CAMTA1: variants seen among roughly 807,000 people sequenced by gnomAD.
CAMTA1 encodes the protein calmodulin binding transcription activator 1.
Under a neutral mutation model 170.9 loss-of-function variants are expected in CAMTA1, and 27 were observed. The observed-to-expected ratio is 0.16, with a 90% CI of 0.12 to 0.22. The LOEUF (loss-of-function observed/expected upper bound fraction) is 0.22. Among genes scored for constraint, CAMTA1 ranks in the 10% least tolerant of loss-of-function variants. The pLI, the probability that CAMTA1 is intolerant of heterozygous loss-of-function variation, is 1.00. For synonymous variants in CAMTA1, 833 were observed against 891.5 expected, an observed-to-expected ratio of 0.93 and a Z score of 1.17; for missense variants, 1,619 against 2,217.2, an observed-to-expected ratio of 0.73 and a Z score of 5.42.
In CAMTA1 at chr1:6,965,464, G is replaced by A. The variant is rs1233983203; in HGVS notation, c.235-125840G>A. Among the ~76,000 whole-genome samples, 2 of 152,162 alleles carry A rather than the reference G, an allele frequency of 1.3e-5. No homozygotes were observed. The highest frequency in any genetic ancestry group is 2.9e-5 in the Non-Finnish European group (2 of 68,032). On this transcript the variant is annotated intron_variant, in intron 3 of 22. Transcript: ENST00000303635. The surrounding 1 kb of genome is among the most constrained non-coding windows in gnomAD (Gnocchi z 4.1). ...GGTAATGCATTTCAGCTGCCTGTGGGGGAAGGTAAATGTGGTTTATTAGCC... is the reference window on the plus strand; with the variant it reads ...GGTAATGCATTTCAGCTGCCTGTGGAGGAAGGTAAATGTGGTTTATTAGCC...
chr1:7,189,312 T>G (rs1402739135), intron 4 of CAMTA1, among the ~76,000 whole-genome samples: 1 of 152,152 alleles, frequency 6.6e-6, no homozygotes, highest in East Asian at 1.9e-4. Context: ...TATCTGTAAG[T>G]GCTGGCATTG....
At chr1:7,430,765 T>A (rs558035432) in intron 5 of CAMTA1, among the ~76,000 whole-genome samples, 3 of 152,222 alleles carry the variant, frequency 2.0e-5, no homozygotes, top group Non-Finnish European at 4.4e-5. Context: ...CCTCTATTTC[T>A]GCCCTGTGGG....
chr1:7,416,649 T>C (rs1238784671), intron 5 of CAMTA1, among the ~76,000 whole-genome samples: 2 of 152,226 alleles, frequency 1.3e-5, no homozygotes, highest in Non-Finnish European at 2.9e-5. Flanking sequence ...GTTATTCTAG[T>C]TATACATTCA....
chr1:7,332,080 T>C (rs2083069602), intron 5 of CAMTA1, among the ~76,000 whole-genome samples: 1 of 152,118 alleles, frequency 6.6e-6, no homozygotes, highest in Admixed American at 6.5e-5. Context: ...TGCTTCACAG[T>C]TGATGTTTGT....
intron 6 of CAMTA1, among the ~76,000 whole-genome samples, chr1:7,616,116 C>T (rs997744921): frequency 5.3e-5 from 8 of 152,234 alleles, no homozygotes; most frequent in African/African-American, 1.9e-4. Context: ...AAGAACCCAG[C>T]CTGGGCTTCC....
intron 6 of CAMTA1, among the ~76,000 whole-genome samples, chr1:7,611,051 G>A (rs756554057): frequency 1.9e-4 from 29 of 152,154 alleles, no homozygotes; most frequent in Non-Finnish European, 2.6e-4. Context: ...CTTGCCTCTC[G>A]AAGTGTCCAT....
chr1:7,212,246 T>C (rs1658907335), intron 4 of CAMTA1, among the ~76,000 whole-genome samples: 2 of 152,218 alleles, frequency 1.3e-5, no homozygotes, highest in Admixed American at 1.3e-4. Flanking sequence ...TTTTTGCTTG[T>C]GTTCTATTTT....
intron 3 of CAMTA1, among the ~76,000 whole-genome samples, chr1:6,862,032 G>A (rs1664897713): frequency 6.9e-6 from 1 of 145,390 alleles, no homozygotes; most frequent in African/African-American, 2.6e-5. Context: ...GTGCAATCTT[G>A]GCTCACTGCA....
chr1:7,240,552 C>T (rs1664685157), intron 4 of CAMTA1, among the ~76,000 whole-genome samples: 1 of 147,120 alleles, frequency 6.8e-6, no homozygotes, highest in East Asian at 2.1e-4. Context: ...GATGGGGTCT[C>T]ACTCTGTCAC....
Position 7,014,066 on chromosome 1 carries a change from C to A in CAMTA1, c.235-77238C>A, listed in dbSNP as rs551023287. ...ACCAGTCCATGTGGGAGATAGGGAA[C>A]CTGTCGAGTGCGGTTCTGAAGGGCT... is the stretch of plus-strand genomic sequence containing the variant. On this transcript the variant is annotated intron_variant, in intron 3 of 22. Transcript: ENST00000303635. The surrounding 1 kb of genome is among the most constrained non-coding windows in gnomAD (Gnocchi z 4.2). Among the ~76,000 whole-genome samples, 214 of 152,340 alleles carry A rather than the reference C, an allele frequency of 1.4e-3. 5 individuals carry two copies. In the South Asian group the frequency reaches 0.044, roughly 31 times the overall value.
intron 16 of CAMTA1, among the ~76,000 whole-genome samples, chr1:7,741,592 G>A (rs1475611828): frequency 6.6e-6 from 1 of 151,756 alleles, no homozygotes; most frequent in Non-Finnish European, 1.5e-5. Context: ...TTGGTAGGTA[G>A]CATAAAAACG....
rs568252490 is a variant in CAMTA1 at position 7,050,846 on chromosome 1, A to G, written c.235-40458A>G. On this transcript the variant is annotated intron_variant, in intron 3 of 22. Transcript: ENST00000303635. This position sits in a 1 kb window ranked among gnomAD's most constrained non-coding sequence, Gnocchi z 4.8. Reference sequence around the variant, plus strand: ...TGGGAAGGAGAAATGGGAACATCACACTGGGGTATTTATGGGAGCCGTGCA... The same window carrying G: ...TGGGAAGGAGAAATGGGAACATCACGCTGGGGTATTTATGGGAGCCGTGCA... Among the ~76,000 whole-genome samples, 2 of 152,224 alleles carry G rather than the reference A, an allele frequency of 1.3e-5. No individual in the cohort carries two copies. Among genetic ancestry groups the G allele is most frequent in the Non-Finnish European group, 2.9e-5 (2 of 68,000 alleles).
At chr1:7,462,617 A>G (rs2093117361) in intron 5 of CAMTA1, among the ~76,000 whole-genome samples, 1 of 152,112 alleles carries the variant, frequency 6.6e-6, no homozygotes, top group Non-Finnish European at 1.5e-5. Flanking sequence ...TTAATTGTTG[A>G]AAAATAGCCA....
At chr1:7,139,434 G>T (rs1441145140) in intron 4 of CAMTA1, among the ~76,000 whole-genome samples, 1 of 151,264 alleles carries the variant, frequency 6.6e-6, no homozygotes, top group African/African-American at 2.4e-5. Flanking sequence ...CCTCTCCGAG[G>T]CTGTGGTGGG....
chr1:7,263,437 A>C (rs146774487), intron 5 of CAMTA1, among the ~76,000 whole-genome samples: 1 of 152,216 alleles, frequency 6.6e-6, no homozygotes, highest in East Asian at 1.9e-4. Context: ...TTTACACTCA[A>C]TTAGTTTGTA....
intron 5 of CAMTA1, among the ~76,000 whole-genome samples, chr1:7,257,034 G>T (rs963965595): frequency 1.4e-5 from 2 of 145,620 alleles, no homozygotes; most frequent in Non-Finnish European, 1.5e-5. Flanking sequence ...CTCACGATCT[G>T]ATCACCTCCC....
At chr1:7,110,014 G>C (rs1032878882) in intron 4 of CAMTA1, among the ~76,000 whole-genome samples, 1 of 152,156 alleles carries the variant, frequency 6.6e-6, no homozygotes, top group Non-Finnish European at 1.5e-5. Flanking sequence ...AAGTGAGCAT[G>C]GGTCTTTCTG....
rs575321683 is a variant in CAMTA1 at position 7,106,415 on chromosome 1, G to C, written c.302+15044G>C. Reference sequence around the variant, plus strand: ...CAGAGTAAGCCACATCTCACATTCAGTTTTCTTTCTCCTGTCCGGCCACTT... The same window carrying C: ...CAGAGTAAGCCACATCTCACATTCACTTTTCTTTCTCCTGTCCGGCCACTT... On this transcript the variant is annotated intron_variant, in intron 4 of 22. Transcript: ENST00000303635. Among the ~76,000 whole-genome samples the C allele has an allele frequency of 9.2e-5, 14 of 152,234 alleles. No individual in the cohort carries two copies. The East Asian group carries it at 2.7e-3, about 29-fold the overall frequency.
At position 7,443,488 on chromosome 1, in the gene CAMTA1, C is replaced by T. The variant is rs1378391935; in HGVS notation, c.439-24342C>T. 6.6e-6 allele frequency among the ~76,000 whole-genome samples: 1 copy of T among 152,152 alleles called. No homozygotes were observed. Among genetic ancestry groups the T allele is most frequent in the Non-Finnish European group, 1.5e-5 (1 of 68,032 alleles). On this transcript the variant is annotated intron_variant, in intron 5 of 22. Transcript: ENST00000303635. This position sits in a 1 kb window ranked among gnomAD's most constrained non-coding sequence, Gnocchi z 4.1. The stretch of plus-strand genomic sequence containing the variant: ...CATCCGAATCAGCATTTTCTGGAGA[C>T]TGGCGCCTGGACCACCTCAGCACAA...
Sources: allele counts gnomAD v4.1 joint callset (sites outside exome capture counted in the v4.1 genomes callset), GRCh38; gene constraint gnomAD v4.1.1; non-coding constraint Gnocchi (gnomAD v3.1); transcripts MANE v1.5; gene names NCBI Gene and HGNC (gene_info 2026-07-23, HGNC 2026-07-21).